Variants in FBXO34 observed in about 807,000 individuals in gnomAD.
FBXO34 encodes F-box protein 34, also known as F-box only protein 34.
FBXO34 carries 12 observed loss-of-function variants against 24.5 expected under a neutral mutation model. The observed-to-expected ratio is 0.49, with a 90% CI of 0.31 to 0.79. The LOEUF is 0.79. Among genes scored for constraint, FBXO34 ranks in the 30% least tolerant of loss-of-function variants. The pLI, the probability that FBXO34 is intolerant of heterozygous loss-of-function variation, is 0.04. For missense variants in FBXO34, 823 were observed against 857.7 expected, an observed-to-expected ratio of 0.96 and a Z score of 0.51; for synonymous variants, 320 against 311.9, an observed-to-expected ratio of 1.03 and a Z score of -0.27.
the FBXO34 span, among the ~76,000 whole-genome samples, chr14:55,409,566 A>T: frequency 6.6e-6 from 1 of 152,168 alleles, no homozygotes; most frequent in Admixed American, 6.5e-5. Flanking sequence ...GCACCTAAAA[A>T]AAAAAACAAA....
the FBXO34 span, among the ~76,000 whole-genome samples, chr14:55,384,285 C>T: frequency 6.6e-6 from 1 of 152,200 alleles, no homozygotes; most frequent in Admixed American, 6.5e-5. Flanking sequence ...AAAAGTCAGC[C>T]TTACAGAAAA....
chr14:55,355,571 A>G (rs1884510126), downstream of FBXO34, among the ~76,000 whole-genome samples: 1 of 152,258 alleles, frequency 6.6e-6, no homozygotes, highest in African/African-American at 2.4e-5. Flanking sequence ...TAAACAATAC[A>G]AGCATAACAA....
chr14:55,437,578 G>T, the FBXO34 span, among the ~76,000 whole-genome samples: 1 of 152,192 alleles, frequency 6.6e-6, no homozygotes, highest in Non-Finnish European at 1.5e-5. Context: ...TAGCTACTTT[G>T]GTTAGATCTC....
intron 1 of FBXO34, among the ~76,000 whole-genome samples, chr14:55,274,713 A>G (rs187050264): frequency 2.0e-5 from 3 of 152,256 alleles, no homozygotes; most frequent in Admixed American, 1.3e-4. Context: ...TTATTTTTTA[A>G]ACTTAATTTA....
chr14:55,428,119 CTTTTTTTT>C, the FBXO34 span, among the ~76,000 whole-genome samples: 8 of 43,330 alleles, frequency 1.8e-4, no homozygotes, highest in African/African-American at 6.8e-4. Flanking sequence ...CATGCCTTAT[CTTTTTTTT>C]TTTTTTTTTT....
chr14:55,372,188 C>G (rs544107451), downstream of FBXO34, among the ~76,000 whole-genome samples: 1 of 152,188 alleles, frequency 6.6e-6, no homozygotes, highest in East Asian at 1.9e-4. Flanking sequence ...CCTCCCACCT[C>G]CCACTCTGTC....
chr14:55,436,825 A>T, the FBXO34 span: 1 of 1,614,252 alleles, frequency 6.2e-7, no homozygotes, highest in Non-Finnish European at 8.5e-7. Context: ...TTTGCTAATG[A>T]CAGGCTGGTC....
chr14:55,275,781 GC>G (rs1158264351), intron 1 of FBXO34, among the ~76,000 whole-genome samples: 29 of 138,676 alleles, frequency 2.1e-4, no homozygotes, highest in Non-Finnish European at 4.4e-4. Context: ...CCGAGATGGC[GC>G]CACTGCACTT....
the FBXO34 span, among the ~76,000 whole-genome samples, chr14:55,430,398 TAA>T: frequency 0.19 from 23,276 of 119,476 alleles, 2,370 homozygotes; most frequent in East Asian, 0.43. Context: ...TCACCCACTT[TAA>T]AAAAAAAAAA....
At chr14:55,300,530 G>A (rs1014277131) in intron 1 of FBXO34, among the ~76,000 whole-genome samples, 6 of 152,256 alleles carry the variant, frequency 3.9e-5, no homozygotes, top group African/African-American at 1.4e-4. Context: ...GGGAGGCGGA[G>A]GTTGCAGTGA....
intron 1 of FBXO34, chr14:55,282,475 G>A: frequency 8.6e-6 from 2 of 233,668 alleles, no homozygotes; most frequent in Non-Finnish European, 1.8e-5. Context: ...AAATCTCACG[G>A]CACAAACCCC....
At chr14:55,338,899 C>G (rs1453742008) in intron 1 of FBXO34, among the ~76,000 whole-genome samples, 1 of 146,390 alleles carries the variant, frequency 6.8e-6, no homozygotes, top group East Asian at 2.0e-4. Flanking sequence ...GAGCGAGACT[C>G]CATCTCAAAA....
At chr14:55,438,891 A>C in the FBXO34 span, 1 of 150,764 alleles carries the variant, frequency 6.6e-6, no homozygotes, top group Admixed American at 6.6e-5. Flanking sequence ...TGTCTTTATA[A>C]AAAAATTCTC....
rs1210958390 is a variant in FBXO34, at chr14:55,312,939, T to C, written c.-10-37442T>C. ...TTAACATTTGGCTCCTTGTTACTTA[T>C]GCACATTTTTGTAGCTGGCTTGAAT... On this transcript the variant is annotated intron_variant, in intron 1 of 1. Transcript: ENST00000313833. 2.6e-5 allele frequency among the ~76,000 whole-genome samples: 4 copies of C among 152,272 alleles called. No homozygotes were observed. The East Asian group carries it at 5.8e-4, about 22-fold the overall frequency.
chr14:55,440,460 C>T, the FBXO34 span: 2 of 1,612,968 alleles, frequency 1.2e-6, no homozygotes, highest in Non-Finnish European at 8.5e-7. Flanking sequence ...GGACCGTAAT[C>T]CCACTGTTGG....
the FBXO34 span, among the ~76,000 whole-genome samples, chr14:55,420,985 C>T: frequency 0.41 from 60,705 of 149,040 alleles, 14,174 homozygotes; most frequent in East Asian, 0.59. Flanking sequence ...GGCGTGAACC[C>T]GGGAGGCGGA....
At chr14:55,358,581 A>G (rs969835215), downstream of FBXO34, among the ~76,000 whole-genome samples, 3 of 151,940 alleles carry the variant, frequency 2.0e-5, no homozygotes, top group African/African-American at 7.2e-5. Context: ...TAAGGAGAAC[A>G]AAGATTCTGG....
Position 55,351,594 on chromosome 14 carries a change from A to G in FBXO34, c.1204A>G (p.Arg402Gly), listed in dbSNP as rs779806624. ...GSQTAVKNSN[R>G]YDVEMTDELV... ...GCAAACTGCCGTGAAAAACAGCAAC[A>G]GATATGATGTGGAAATGACAGATGA... The change falls in exon 2 of 2, where the codon AGA (arginine) becomes GGA (glycine). Residue 402 changes from arginine (R) to glycine (G), a missense_variant. This residue lies in a region of FBXO34 where 693 missense variants were observed against 659.1 expected (regional missense o/e 1.05). Coordinates refer to ENST00000313833, the MANE Select transcript of FBXO34 (RefSeq NM_017943.4). 6.2e-7 allele frequency: 1 copy of G among 1,614,244 alleles called. No individual in the cohort carries two copies. The highest frequency in any genetic ancestry group is 1.1e-5 in the South Asian group (1 of 91,082).
the FBXO34 span, among the ~76,000 whole-genome samples, chr14:55,427,001 A>G: frequency 2.0e-5 from 3 of 152,224 alleles, no homozygotes; most frequent in Non-Finnish European, 4.4e-5. Flanking sequence ...TAATGTAGAC[A>G]CAACCTTAGA....
Sources: gnomAD v4.1 joint callset for allele counts (sites outside exome capture counted in the v4.1 genomes callset) on GRCh38, gnomAD v4.1.1 for gene constraint, gnomAD v4.1.1 regional missense constraint, MANE v1.5 for transcripts, NCBI Gene and HGNC (gene_info 2026-07-23, HGNC 2026-07-21) for gene names.